LLPH: variants seen among roughly 807,000 people sequenced by gnomAD.
LLPH encodes the protein LLP homolog, long-term synaptic facilitation factor.
A neutral mutation model predicts 13.3 loss-of-function variants in LLPH; 5 were observed. That is an observed-to-expected ratio of 0.38 (90% confidence interval 0.20 to 0.79). The LOEUF (loss-of-function observed/expected upper bound fraction) is 0.79. Among genes scored for constraint, LLPH ranks in the 30% least tolerant of loss-of-function variants. The pLI is 0.45. For synonymous variants in LLPH, 32 were observed against 44.2 expected (o/e 0.72, Z 1.09); for missense variants, 129 against 152.1 (o/e 0.85, Z 0.80).
At chr12:66,128,794 T>A in intron 2 of LLPH, 102 bp downstream of exon 2, 6 of 761,720 alleles carry the variant, frequency 7.9e-6, no homozygotes. Flanking sequence ...TGCAGGAAGC[T>A]ATAATCACAC....
In LLPH at chr12:66,124,132, T is replaced by C. The variant is rs1351243028; in HGVS notation, c.212-114A>G. 9.3e-6 allele frequency: 6 copies of C among 645,988 alleles called. No homozygotes were observed. The East Asian group carries it at 1.7e-4, about 18-fold the overall frequency. The allele number at this position is 645,988 out of a possible 1,614,324, so 40.0% of individuals were successfully genotyped here. ...ATTAGAACTGAAGGTAGACCGAAAATAGAGAAGAAAAAAACTTTATAAAGA... is the reference window on the plus strand; with the variant it reads ...ATTAGAACTGAAGGTAGACCGAAAACAGAGAAGAAAAAAACTTTATAAAGA... On this transcript the variant is annotated intron_variant, in intron 2 of 2. Coordinates refer to ENST00000266604, the MANE Select transcript of LLPH (RefSeq NM_032338.4).
chr12:66,120,458 TACATTAGTACCAAACTCAGATA>T lies in LLPH; in HGVS notation c.*3360_*3381del, dbSNP rs1264877415. 2 of 152,214 alleles carry T rather than the reference TACATTAGTACCAAACTCAGATA, an allele frequency of 1.3e-5. No homozygotes were observed. The highest frequency in any genetic ancestry group is 2.4e-5 in the African/African-American group (1 of 41,460). 9.4% of individuals were successfully genotyped at this position (152,214 alleles called of 1,614,324 possible). ...AGTTTCCCCATGTGTAAACAGAGAT[TACATTAGTACCAAACTCAGATA>T]ACATTAGTACCAAACTCATGAGATT... On this transcript the variant is annotated 3_prime_UTR_variant, in exon 3 of 3. Transcript: ENST00000266604.
In LLPH at chr12:66,123,618, T is replaced by G; in HGVS notation, c.*222A>C. The G allele has an allele frequency of 3.7e-6, 2 of 536,656 alleles. No homozygotes were observed. Among genetic ancestry groups the G allele is most frequent in the Admixed American group, 3.4e-5 (1 of 29,236 alleles). 33.2% of individuals were successfully genotyped at this position (536,656 alleles called of 1,614,324 possible). A position where few individuals can be genotyped will look rare whatever the true frequency, so the allele number is the denominator to read the frequency against. On this transcript the variant is annotated 3_prime_UTR_variant, in exon 3 of 3. Coordinates refer to ENST00000266604, the MANE Select transcript of LLPH (RefSeq NM_032338.4). Reference sequence around the variant, plus strand: ...TAACTGGATATTGGGTAGCATCCAGTTAAAGTATCAGTAGAGCTTGGATGT... The same window carrying G: ...TAACTGGATATTGGGTAGCATCCAGGTAAAGTATCAGTAGAGCTTGGATGT...
rs1360067348 is a variant in LLPH, at chr12:66,117,867, A to G, written c.*5973T>C. On this transcript the variant is annotated 3_prime_UTR_variant, in exon 3 of 3. Transcript: ENST00000266604. ...AAAAAATTAAAAATTGTGGAAATAG[A>G]AAAAAGCTTATAAAAATATAAAATA... 6.6e-6 allele frequency: 1 copy of G among 152,234 alleles called. No homozygotes were observed. Among genetic ancestry groups the G allele is most frequent in the Non-Finnish European group, 1.5e-5 (1 of 68,040 alleles). The allele number at this position is 152,234 out of a possible 1,614,324, so 9.4% of individuals were successfully genotyped here.
intron 2 of LLPH, among the ~76,000 whole-genome samples, chr12:66,124,815 G>C (rs1198735534): frequency 6.6e-6 from 1 of 152,158 alleles, no homozygotes; most frequent in Non-Finnish European, 1.5e-5. Context: ...CTAGTTTATG[G>C]GGATATAGTG....
At chr12:66,128,314 T>C (rs1223966640) in intron 2 of LLPH, among the ~76,000 whole-genome samples, 3 of 152,286 alleles carry the variant, frequency 2.0e-5, no homozygotes, top group Admixed American at 2.0e-4. Context: ...GCCAAATTGG[T>C]GCATTAAATG....
rs571829191 is a variant in LLPH, at chr12:66,119,641, G to C, written c.*4199C>G. On this transcript the variant is annotated 3_prime_UTR_variant, in exon 3 of 3. Transcript: ENST00000266604. ...ATCACTCTGCCAGATGGCATCAGAAGTTAGTCACTTAACTAGTAAGATTAG... is the reference window on the plus strand; with the variant it reads ...ATCACTCTGCCAGATGGCATCAGAACTTAGTCACTTAACTAGTAAGATTAG... 1 of 152,338 alleles carries C rather than the reference G, an allele frequency of 6.6e-6. No individual in the cohort carries two copies. The highest frequency in any genetic ancestry group is 2.1e-4 in the South Asian group (1 of 4,826). 9.4% of individuals were successfully genotyped at this position (152,338 alleles called of 1,614,324 possible).
chr12:66,129,183 G>A lies in LLPH; in HGVS notation c.-7-70C>T. On this transcript the variant is annotated intron_variant, in intron 1 of 2. Transcript: ENST00000266604. ...AAAAAAGAAAACAGGCAAATCCTTA[G>A]AAAACCAGGCCAACAGGTATCTCTA... 5 of 1,035,284 alleles carry A rather than the reference G, an allele frequency of 4.8e-6. No homozygotes were observed. In the South Asian group the frequency reaches 7.2e-5, roughly 15 times the overall value. The allele number at this position is 1,035,284 out of a possible 1,614,324, so 64.1% of individuals were successfully genotyped here.
Position 66,123,323 on chromosome 12 carries a change from T to C in LLPH, c.*517A>G, listed in dbSNP as rs1421154846. On this transcript the variant is annotated 3_prime_UTR_variant, in exon 3 of 3. Transcript: ENST00000266604. ...TTTTGTATTTTTAGTAGAGATGGGGTTTCACTGTATTAGCCAGGCTAGTCT... is the reference window on the plus strand; with the variant it reads ...TTTTGTATTTTTAGTAGAGATGGGGCTTCACTGTATTAGCCAGGCTAGTCT... 3 of 152,276 alleles carry C rather than the reference T, an allele frequency of 2.0e-5. No homozygotes were observed. Among genetic ancestry groups the C allele is most frequent in the African/African-American group, 7.2e-5 (3 of 41,464 alleles). The allele number at this position is 152,276 out of a possible 1,614,324, so 9.4% of individuals were successfully genotyped here.
In LLPH at chr12:66,123,509, G is replaced by A. The variant is rs1039691762; in HGVS notation, c.*331C>T. On this transcript the variant is annotated 3_prime_UTR_variant, in exon 3 of 3. Coordinates refer to ENST00000266604, the MANE Select transcript of LLPH (RefSeq NM_032338.4). ...ACAAAAATTTGTCAGTACATCATCT[G>A]TTTTATCTCTATTGACTATAATTAC... 4.1e-6 allele frequency: 1 copy of A among 242,814 alleles called. No homozygotes were observed. The highest frequency in any genetic ancestry group is 2.3e-5 in the African/African-American group (1 of 44,440). The allele number at this position is 242,814 out of a possible 1,614,324, so 15.0% of individuals were successfully genotyped here.
chr12:66,128,183 G>GA (rs1330279860), intron 2 of LLPH, among the ~76,000 whole-genome samples: 2 of 152,084 alleles, frequency 1.3e-5, no homozygotes, highest in African/African-American at 4.8e-5. Context: ...TTTTTAAAGG[G>GA]AAAAAACCCC....
At position 66,119,057 on chromosome 12, in the gene LLPH, A is replaced by G. The variant is rs536131109; in HGVS notation, c.*4783T>C. ...ATCAAATAAAAGTCTGTCTCTCTGT[A>G]GCTTTCCATCATAGGTATTCATTCT... On this transcript the variant is annotated 3_prime_UTR_variant, in exon 3 of 3. Coordinates refer to ENST00000266604, the MANE Select transcript of LLPH (RefSeq NM_032338.4). 1 of 152,320 alleles carries G rather than the reference A, an allele frequency of 6.6e-6. No homozygotes were observed. Among genetic ancestry groups the G allele is most frequent in the South Asian group, 2.1e-4 (1 of 4,826 alleles). 9.4% of individuals were successfully genotyped at this position (152,320 alleles called of 1,614,324 possible).
chr12:66,118,484 T>C lies in LLPH; in HGVS notation c.*5356A>G, dbSNP rs1164291621. The C allele has an allele frequency of 6.6e-6, 1 of 152,110 alleles. No homozygotes were observed. The highest frequency in any genetic ancestry group is 2.4e-5 in the African/African-American group (1 of 41,404). 9.4% of individuals were successfully genotyped at this position (152,110 alleles called of 1,614,324 possible). Reference sequence around the variant, plus strand: ...TCCTCCAAGCACTATTCATAAGTGGTACAGGTGTACCATTTTTTTATCTTT... The same window carrying C: ...TCCTCCAAGCACTATTCATAAGTGGCACAGGTGTACCATTTTTTTATCTTT... On this transcript the variant is annotated 3_prime_UTR_variant, in exon 3 of 3. Transcript: ENST00000266604.
At chr12:66,128,856 A>G (rs766195303) in intron 2 of LLPH, 40 bp downstream of exon 2, 1 of 1,464,582 alleles carries the variant, frequency 6.8e-7, no homozygotes, top group Non-Finnish European at 9.4e-7. Context: ...CTCAAAAAAA[A>G]AAAAAAAAAA....
intron 2 of LLPH, among the ~76,000 whole-genome samples, chr12:66,126,847 C>A (rs1471126119): frequency 3.3e-5 from 5 of 151,644 alleles, no homozygotes; most frequent in African/African-American, 1.2e-4. Context: ...AGGAGAATTG[C>A]TTGAACCTGG....
At chr12:66,126,153 T>G (rs948700071) in intron 2 of LLPH, among the ~76,000 whole-genome samples, 11 of 151,836 alleles carry the variant, frequency 7.2e-5, no homozygotes, top group African/African-American at 2.7e-4. Flanking sequence ...TGAAACCCCG[T>G]CTCCACTAAA....
In LLPH at chr12:66,120,784, C is replaced by T. The variant is rs1244127926; in HGVS notation, c.*3056G>A. ...GATAAAAGGACTATGCTATACTTCT[C>T]GATTTGTAATCTTTAAAAATAAAGT... On this transcript the variant is annotated 3_prime_UTR_variant, in exon 3 of 3. Coordinates refer to ENST00000266604, the MANE Select transcript of LLPH (RefSeq NM_032338.4). 1.3e-5 allele frequency: 2 copies of T among 152,254 alleles called. No individual in the cohort carries two copies. Among genetic ancestry groups the T allele is most frequent in the African/African-American group, 4.8e-5 (2 of 41,540 alleles). 9.4% of individuals were successfully genotyped at this position (152,254 alleles called of 1,614,324 possible).
Position 66,123,996 on chromosome 12 carries a change from A to G in LLPH, c.234T>C (p.Asp78=), listed in dbSNP as rs1445145339. 6.2e-7 allele frequency: 1 copy of G among 1,603,982 alleles called. No individual in the cohort carries two copies. The highest frequency in any genetic ancestry group is 8.5e-7 in the Non-Finnish European group (1 of 1,176,324). The part of the protein sequence containing the change: ...DEKDDMKMET[D]IKRNKKTLLD... ...GAAGAGTCTTTTTGTTTCTCTTAAT[A>G]TCAGTCTCCATTTTCATGTCATCTG... The change falls in exon 3 of 3, where the codon GAT becomes GAC. Residue 78 remains aspartate, a synonymous_variant. Coordinates refer to ENST00000266604, the MANE Select transcript of LLPH (RefSeq NM_032338.4).
chr12:66,117,994 A>T lies in LLPH; in HGVS notation c.*5846T>A, dbSNP rs1335645645. ...AAAACGTTTATAAGGTAAAAAAGTT[A>T]CAGGAAGCTAAAGTTAATTTATTAT... is the stretch of plus-strand genomic sequence containing the variant. On this transcript the variant is annotated 3_prime_UTR_variant, in exon 3 of 3. Coordinates refer to ENST00000266604, the MANE Select transcript of LLPH (RefSeq NM_032338.4). 1 of 152,212 alleles carries T rather than the reference A, an allele frequency of 6.6e-6. No individual in the cohort carries two copies. The highest frequency in any genetic ancestry group is 2.4e-5 in the African/African-American group (1 of 41,468). 9.4% of individuals were successfully genotyped at this position (152,212 alleles called of 1,614,324 possible).
Sources: gnomAD v4.1 joint callset for allele counts (sites outside exome capture counted in the v4.1 genomes callset) on GRCh38, gnomAD v4.1.1 for gene constraint, MANE v1.5 for transcripts, NCBI Gene and HGNC (gene_info 2026-07-23, HGNC 2026-07-21) for gene names.